Variants in GNB4 observed in about 807,000 individuals in gnomAD.
GNB4 encodes the protein G protein subunit beta 4, also known as guanine nucleotide-binding protein subunit beta-4.
A neutral mutation model predicts 45.2 loss-of-function variants in GNB4; 28 were observed. The ratio of observed to expected loss-of-function variants is 0.62; its 90% CI spans 0.46 to 0.85. The LOEUF is 0.85. Ranked by LOEUF, GNB4 falls within the 40% of genes least tolerant of loss-of-function variation. The probability of loss-of-function intolerance (pLI) is 0.00; values close to 1 mark genes in which losing one functional copy is unlikely to be tolerated. For synonymous variants in GNB4, 132 were observed against 143.7 expected, an observed-to-expected ratio of 0.92 and a Z score of 0.58; for missense variants, 321 against 425.4, an observed-to-expected ratio of 0.75 and a Z score of 2.16.
the GNB4 span, among the ~76,000 whole-genome samples, chr3:179,472,113 C>T: frequency 6.6e-6 from 1 of 151,834 alleles, no homozygotes; most frequent in Admixed American, 6.6e-5. Context: ...AAGGTAAACT[C>T]ACAAAATGAA....
the GNB4 span, among the ~76,000 whole-genome samples, chr3:179,505,589 T>C: frequency 1.1e-4 from 16 of 152,220 alleles, no homozygotes; most frequent in Non-Finnish European, 1.8e-4. Context: ...CTGAGGTGGA[T>C]TTTATTCCTG....
At chr3:179,464,488 A>G in the GNB4 span, 1 of 1,611,664 alleles carries the variant, frequency 6.2e-7, no homozygotes, top group Non-Finnish European at 8.5e-7. Context: ...CTGGCCCAGC[A>G]GATCAAGCAG....
the GNB4 span, among the ~76,000 whole-genome samples, chr3:179,471,926 C>G: frequency 6.6e-6 from 1 of 152,020 alleles, no homozygotes; most frequent in Non-Finnish European, 1.5e-5. Context: ...GACTTAGATC[C>G]TAAAGATGCA....
the GNB4 span, among the ~76,000 whole-genome samples, chr3:179,515,558 G>C: frequency 6.6e-6 from 1 of 152,138 alleles, no homozygotes; most frequent in Admixed American, 6.6e-5. Flanking sequence ...ATTTCACAAG[G>C]TAATGTCATC....
At chr3:179,422,614 A>C (rs931703653) in intron 2 of GNB4, among the ~76,000 whole-genome samples, 1 of 152,172 alleles carries the variant, frequency 6.6e-6, no homozygotes, top group Non-Finnish European at 1.5e-5. Flanking sequence ...ACTTTTTTGC[A>C]AATCAAAGAC....
intron 9 of GNB4, among the ~76,000 whole-genome samples, chr3:179,402,905 GACTC>G (rs769303539): frequency 2.3e-4 from 35 of 152,300 alleles, no homozygotes; most frequent in Admixed American, 4.6e-4. Context: ...TAAGGCCAGA[GACTC>G]ACTCAGAGGA....
chr3:179,524,813 ACTATGC>A, the GNB4 span, among the ~76,000 whole-genome samples: 1 of 152,162 alleles, frequency 6.6e-6, no homozygotes, highest in Non-Finnish European at 1.5e-5. Context: ...ATTAACCTTG[ACTATGC>A]CTACAGCTCC....
At chr3:179,465,138 T>C in the GNB4 span, 10 of 1,311,374 alleles carry the variant, frequency 7.6e-6, no homozygotes, top group Non-Finnish European at 1.1e-5. Flanking sequence ...GCAGATATGA[T>C]CAAGGAAGAA....
chr3:179,443,497 C>T (rs1055907958), intron 1 of GNB4, among the ~76,000 whole-genome samples: 1 of 152,176 alleles, frequency 6.6e-6, no homozygotes, highest in Admixed American at 6.5e-5. Context: ...CGAGATCTCA[C>T]CACTGTACTC....
the GNB4 span, among the ~76,000 whole-genome samples, chr3:179,477,527 T>A: frequency 6.6e-6 from 1 of 152,146 alleles, no homozygotes; most frequent in East Asian, 1.9e-4. Flanking sequence ...TGAGACCTTA[T>A]CAGAATGACC....
intron 6 of GNB4, among the ~76,000 whole-genome samples, chr3:179,414,656 A>C (rs1467344239): frequency 6.6e-6 from 1 of 152,242 alleles, no homozygotes; most frequent in East Asian, 1.9e-4. Flanking sequence ...TTTGTGCAGT[A>C]AATTTATCAT....
At chr3:179,444,774 AT>A (rs1317360066) in intron 1 of GNB4, among the ~76,000 whole-genome samples, 8 of 152,206 alleles carry the variant, frequency 5.3e-5, no homozygotes, top group African/African-American at 1.9e-4. Flanking sequence ...GTCTTAAATT[AT>A]TTCCTTATAA....
At chr3:179,473,415 T>G in the GNB4 span, among the ~76,000 whole-genome samples, 7,286 of 152,110 alleles carry the variant, frequency 0.048, 220 homozygotes, top group Middle Eastern at 0.19. Context: ...TATGAATTAT[T>G]TCATTTATTT....
intron 8 of GNB4, among the ~76,000 whole-genome samples, chr3:179,412,173 A>G (rs1560212848): frequency 6.6e-6 from 1 of 152,184 alleles, no homozygotes; most frequent in Admixed American, 6.5e-5. Context: ...GTAGCTTATA[A>G]ATAACTGATA....
In GNB4 at chr3:179,423,786, T is replaced by TAA. The variant is rs35300847; in HGVS notation, c.57+2356_57+2357dup. Reference sequence around the variant, plus strand: ...ACTGAGACTCCGTCTCACTCTGATTTAAAAAAAAAAAAAAGATAAATCCAA... The same window carrying TAA: ...ACTGAGACTCCGTCTCACTCTGATTTAAAAAAAAAAAAAAAAGATAAATCCAA... On this transcript the variant is annotated intron_variant, in intron 2 of 9. Transcript: ENST00000232564. 3.1e-3 allele frequency among the ~76,000 whole-genome samples: 454 copies of TAA among 145,268 alleles called. 3 individuals are homozygous for TAA. The highest frequency in any genetic ancestry group is 6.5e-3 in the African/African-American group (256 of 39,456).
chr3:179,414,905 C>T lies in GNB4; in HGVS notation c.410G>A (p.Arg137Gln), dbSNP rs781504084. Residue 137 changes from arginine to glutamine, a missense_variant, in exon 6 of 10, where the codon CGA becomes CAA. Transcript: ENST00000232564. Reference protein sequence around the residue: ...KTREGNVRVSRELPGHTGYLS... With the variant: ...KTREGNVRVSQELPGHTGYLS... ...CTCACCTGTGTGACCTGGCAACTCT[C>T]GGCTTACTCTCACATTTCCCTCTCT... The T allele has an allele frequency of 8.8e-6, 14 of 1,592,790 alleles. No homozygotes were observed. In the East Asian group the frequency reaches 9.0e-5, roughly 10 times the overall value.
the GNB4 span, among the ~76,000 whole-genome samples, chr3:179,464,131 G>T: frequency 1.2e-4 from 19 of 152,108 alleles, no homozygotes; most frequent in African/African-American, 4.6e-4. Context: ...CCAACCAATG[G>T]AATGGACCCC....
the GNB4 span, among the ~76,000 whole-genome samples, chr3:179,491,367 A>G: frequency 6.6e-6 from 1 of 152,216 alleles, no homozygotes. Context: ...AGTTATGACA[A>G]TACATTATGG....
At chr3:179,403,017 T>C (rs1714349191) in intron 9 of GNB4, among the ~76,000 whole-genome samples, 1 of 152,214 alleles carries the variant, frequency 6.6e-6, no homozygotes, top group Non-Finnish European at 1.5e-5. Context: ...AGCTAAATGT[T>C]GTGGTCCCTC....
Sources: allele counts gnomAD v4.1 joint callset (sites outside exome capture counted in the v4.1 genomes callset), GRCh38; gene constraint gnomAD v4.1.1; transcripts MANE v1.5; gene names NCBI Gene and HGNC (gene_info 2026-07-23, HGNC 2026-07-21).